The following NRCAM variants were observed in gnomAD, a reference collection of about 807,000 sequenced individuals.
The protein encoded by NRCAM is neuronal cell adhesion molecule, also known as NgCAM-related cell adhesion molecule.
NRCAM carries 83 observed loss-of-function variants against 156.5 expected under a neutral mutation model. That is an observed-to-expected ratio of 0.53 (90% CI 0.44 to 0.64). The LOEUF (loss-of-function observed/expected upper bound fraction) is 0.64, where lower values mean the gene tolerates loss of function less well. Among genes scored for constraint, NRCAM ranks in the 30% least tolerant of loss-of-function variants. The pLI, the probability that NRCAM is intolerant of heterozygous loss-of-function variation, is 0.00. For missense variants in NRCAM, 1,417 were observed against 1,597.3 expected (o/e 0.89, Z 1.92); for synonymous variants, 538 against 563.9 (o/e 0.95, Z 0.65).
At position 108,239,946 on chromosome 7, in the gene NRCAM, C is replaced by T. The variant is rs368872769; in HGVS notation, c.106+13G>A. 61 of 1,569,818 alleles carry T rather than the reference C, an allele frequency of 3.9e-5. No individual in the cohort carries two copies. The highest frequency in any genetic ancestry group is 4.9e-5 in the Non-Finnish European group (56 of 1,141,436). ...ACTCCTGGGCCTAACAGCTTTAAAA[C>T]GTTAATACTTACGATCAAGAGGTAC... On this transcript the variant is annotated intron_variant, in intron 4 of 32. Coordinates refer to ENST00000379028, the MANE Select transcript of NRCAM (RefSeq NM_001037132.4).
At chr7:108,175,586 T>C (rs1563260591) in intron 27 of NRCAM, among the ~76,000 whole-genome samples, 2 of 152,140 alleles carry the variant, frequency 1.3e-5, no homozygotes, top group Non-Finnish European at 2.9e-5. Flanking sequence ...TACCCAGTAT[T>C]CAAACACATT....
At chr7:108,215,728 T>C (rs1037219799) in intron 11 of NRCAM, among the ~76,000 whole-genome samples, 4 of 93,994 alleles carry the variant, frequency 4.3e-5, no homozygotes, top group Non-Finnish European at 6.3e-5. Flanking sequence ...CTGCAACCCC[T>C]GCCTTTTTTT....
chr7:108,341,979 C>G (rs1055141536), intron 2 of NRCAM, among the ~76,000 whole-genome samples: 1 of 152,166 alleles, frequency 6.6e-6, no homozygotes, highest in Admixed American at 6.5e-5. Context: ...CTTAAGGATG[C>G]CTTTTTCTGC....
At chr7:108,427,830 A>G (rs1481308811) in intron 1 of NRCAM, among the ~76,000 whole-genome samples, 5 of 152,306 alleles carry the variant, frequency 3.3e-5, no homozygotes, top group African/African-American at 1.2e-4. Flanking sequence ...AAATACAGTT[A>G]TTTCAATCTT....
intron 1 of NRCAM, among the ~76,000 whole-genome samples, chr7:108,455,801 G>T (rs1187645101): frequency 6.6e-6 from 1 of 152,100 alleles, no homozygotes; most frequent in Non-Finnish European, 1.5e-5. Flanking sequence ...GCACTGTGGC[G>T]TGACGCCCCG....
At chr7:108,187,959 A>G (rs2068208549) in intron 20 of NRCAM, among the ~76,000 whole-genome samples, 2 of 152,104 alleles carry the variant, frequency 1.3e-5, no homozygotes, top group African/African-American at 4.8e-5. Flanking sequence ...CGTCTCAAAA[A>G]AAAAAGAAGT....
chr7:108,220,210 A>G (rs1213439690), intron 11 of NRCAM, among the ~76,000 whole-genome samples: 1 of 152,166 alleles, frequency 6.6e-6, no homozygotes, highest in Non-Finnish European at 1.5e-5. Context: ...AGACGACACA[A>G]ATGAAAACAC....
At position 108,150,139 on chromosome 7, in the gene NRCAM, T is replaced by C. The variant is rs752768229; in HGVS notation, c.3686A>G (p.Glu1229Gly). 6.3e-7 allele frequency: 1 copy of C among 1,595,584 alleles called. No individual in the cohort carries two copies. Among genetic ancestry groups the C allele is most frequent in the Non-Finnish European group, 8.5e-7 (1 of 1,175,280 alleles). Residue 1229 changes from glutamate (E) to glycine (G), a missense_variant, in exon 33 of 33, where the codon GAA (glutamate) becomes GGA (glycine). Transcript: ENST00000379028. The stretch of plus-strand genomic sequence containing the variant: ...TCCTTTTTTCAAAGGCTTGTGGTCT[T>C]CTGCATCACTGGAAGAAAGAGAAAA... Reference protein sequence around the residue: ...DGTFGEYSDAEDHKPLKKGSR... With the variant: ...DGTFGEYSDAGDHKPLKKGSR...
At chr7:108,237,340 A>G (rs1405053968) in intron 5 of NRCAM, among the ~76,000 whole-genome samples, 1 of 152,200 alleles carries the variant, frequency 6.6e-6, no homozygotes, top group Non-Finnish European at 1.5e-5. Context: ...AAGGACATAC[A>G]GCTGCCATCT....
intron 3 of NRCAM, among the ~76,000 whole-genome samples, chr7:108,246,558 G>A (rs1388580178): frequency 6.6e-6 from 1 of 152,126 alleles, no homozygotes; most frequent in Non-Finnish European, 1.5e-5. Flanking sequence ...TGAAGCCAGT[G>A]GGCAGCAGAG....
intron 19 of NRCAM, 145 bp from the exon 20 acceptor site, chr7:108,189,891 A>G: frequency 1.8e-6 from 1 of 544,726 alleles, no homozygotes; most frequent in Non-Finnish European, 3.2e-6. Context: ...GGAAATGTGC[A>G]CAGCTGAGGC....
intron 3 of NRCAM, among the ~76,000 whole-genome samples, chr7:108,257,148 A>T (rs1397663018): frequency 6.6e-6 from 1 of 152,110 alleles, no homozygotes; most frequent in Non-Finnish European, 1.5e-5. Context: ...AGAAAAGGCA[A>T]AACTATAGAA....
chr7:108,252,098 G>A (rs1167665938), intron 3 of NRCAM, among the ~76,000 whole-genome samples: 1 of 152,132 alleles, frequency 6.6e-6, no homozygotes, highest in Admixed American at 6.5e-5. Flanking sequence ...TTGAGACCAA[G>A]GGATGTGGGA....
chr7:108,331,771 CA>C (rs2099129734), intron 2 of NRCAM, among the ~76,000 whole-genome samples: 2 of 152,198 alleles, frequency 1.3e-5, no homozygotes, highest in Admixed American at 6.5e-5. Flanking sequence ...CGTTTACCTT[CA>C]TGATCTTTAT....
intron 1 of NRCAM, among the ~76,000 whole-genome samples, chr7:108,451,315 T>C (rs1430366354): frequency 1.3e-5 from 2 of 151,558 alleles, no homozygotes; most frequent in Admixed American, 6.6e-5. Context: ...AAATAACAAG[T>C]GTTGGAGAAA....
intron 2 of NRCAM, among the ~76,000 whole-genome samples, chr7:108,345,265 G>C (rs558383473): frequency 6.6e-6 from 1 of 152,118 alleles, no homozygotes; most frequent in Non-Finnish European, 1.5e-5. Flanking sequence ...AACTCAGAAA[G>C]GTTCCTCAGT....
At chr7:108,379,795 T>A (rs558331500) in intron 2 of NRCAM, among the ~76,000 whole-genome samples, 4 of 152,286 alleles carry the variant, frequency 2.6e-5, no homozygotes, top group African/African-American at 9.6e-5. Flanking sequence ...AAAGAGAGTA[T>A]TATTTTAGAA....
At chr7:108,319,511 A>G (rs2098974798) in intron 2 of NRCAM, among the ~76,000 whole-genome samples, 1 of 152,212 alleles carries the variant, frequency 6.6e-6, no homozygotes, top group African/African-American at 2.4e-5. Context: ...AAAGAAGTGA[A>G]CCTTAGAAAA....
rs1390373768 is a variant in NRCAM, at chr7:108,177,671, GTATA to G, written c.2974+315_2974+318del. Among the ~76,000 whole-genome samples the G allele has an allele frequency of 8.4e-3, 142 of 16,932 alleles. 1 individual carries two copies. Among genetic ancestry groups the G allele is most frequent in the African/African-American group, 0.013 (135 of 10,198 alleles). 11.1% of individuals were successfully genotyped at this position (16,932 alleles called of 152,430 possible). A position where few individuals can be genotyped will look rare whatever the true frequency, so the allele number is the denominator to read the frequency against. On this transcript the variant is annotated intron_variant, in intron 26 of 32. Transcript: ENST00000379028. ...TATATATATATATATGTATATACGT[GTATA>G]TATATACGTGTATATATATATACAC...
Sources: allele counts gnomAD v4.1 joint callset (sites outside exome capture counted in the v4.1 genomes callset), GRCh38; gene constraint gnomAD v4.1.1; transcripts MANE v1.5; gene names NCBI Gene and HGNC (gene_info 2026-07-23, HGNC 2026-07-21).